The following GALNT11 variants were observed in gnomAD, a reference collection of about 807,000 sequenced individuals.
GALNT11 encodes polypeptide N-acetylgalactosaminyltransferase 11, also known as UDP-GalNAc:polypeptide N-acetylgalactosaminyltransferase 11.
Under a neutral mutation model 72.7 loss-of-function variants are expected in GALNT11, and 47 were observed. That is an observed-to-expected ratio of 0.65 (90% CI 0.51 to 0.82). GALNT11 has a LOEUF of 0.82. Among genes scored for constraint, GALNT11 ranks in the 40% least tolerant of loss-of-function variants. The pLI, the probability that GALNT11 is intolerant of heterozygous loss-of-function variation, is 0.00. For synonymous variants in GALNT11, 270 were observed against 286.6 expected (o/e 0.94, Z 0.58); for missense variants, 677 against 778.4 (o/e 0.87, Z 1.55).
chr7:152,117,388 T>C lies in GALNT11; in HGVS notation c.1452+13T>C. 1.2e-6 allele frequency: 2 copies of C among 1,613,314 alleles called. No homozygotes were observed. The highest frequency in any genetic ancestry group is 1.1e-5 in the South Asian group (1 of 90,954). Reference sequence around the variant, plus strand: ...TCAACGTGGAAGGGTAAGAAAGCTGTTTTTTCCAAGTGGCTTATGAAAAGC... The same window carrying C: ...TCAACGTGGAAGGGTAAGAAAGCTGCTTTTTCCAAGTGGCTTATGAAAAGC... On this transcript the variant is annotated intron_variant, in intron 9 of 11. Coordinates refer to ENST00000430044, the MANE Select transcript of GALNT11 (RefSeq NM_022087.4).
At chr7:152,044,465 T>A (rs73161878) in intron 1 of GALNT11, among the ~76,000 whole-genome samples, 1 of 152,224 alleles carries the variant, frequency 6.6e-6, no homozygotes, top group Non-Finnish European at 1.5e-5. Context: ...GTCACAGTGC[T>A]GCAGAGATTT....
At chr7:152,070,355 G>C (rs535396549) in intron 1 of GALNT11, among the ~76,000 whole-genome samples, 2 of 152,108 alleles carry the variant, frequency 1.3e-5, no homozygotes, top group East Asian at 3.9e-4. Context: ...CTCTTATCTT[G>C]TATGAGCTTC....
chr7:152,068,192 T>C (rs756104695), intron 1 of GALNT11, among the ~76,000 whole-genome samples: 5 of 152,168 alleles, frequency 3.3e-5, no homozygotes, highest in Non-Finnish European at 2.9e-5. Context: ...CCCCACCCTA[T>C]GAGCCCCTGA....
chr7:152,045,794 A>T (rs1368147926), intron 1 of GALNT11, among the ~76,000 whole-genome samples: 4 of 151,456 alleles, frequency 2.6e-5, no homozygotes, highest in Non-Finnish European at 5.9e-5. Context: ...TTCTGCTGTG[A>T]TCTTTTTTAT....
At chr7:152,065,410 A>C (rs1363827560) in intron 1 of GALNT11, among the ~76,000 whole-genome samples, 3 of 152,092 alleles carry the variant, frequency 2.0e-5, no homozygotes, top group Admixed American at 2.0e-4. Flanking sequence ...TTTAGCTCGG[A>C]GTAGTTTGAT....
chr7:152,064,569 C>G lies in GALNT11; in HGVS notation c.-38-29621C>G, dbSNP rs1348847648. On this transcript the variant is annotated intron_variant, in intron 1 of 11. Transcript: ENST00000430044. ...AGCATTGATGGTCTTTACAATTTGG[C>G]ATGTTTTTGCAGTGTCTGGTACCGG... is the stretch of plus-strand genomic sequence containing the variant. Among the ~76,000 whole-genome samples the G allele has an allele frequency of 2.0e-5, 3 of 152,154 alleles. No individual in the cohort carries two copies. In the East Asian group the frequency reaches 5.8e-4, roughly 29 times the overall value.
intron 1 of GALNT11, among the ~76,000 whole-genome samples, chr7:152,072,009 CAAA>C (rs11366450): frequency 2.2e-4 from 15 of 67,024 alleles, no homozygotes; most frequent in Admixed American, 5.1e-4. Context: ...AACTCTGTCT[CAAA>C]AAAAAAAAAA....
chr7:152,029,180 G>A (rs896038332), intron 1 of GALNT11, among the ~76,000 whole-genome samples: 5 of 152,320 alleles, frequency 3.3e-5, no homozygotes, highest in African/African-American at 1.2e-4. Flanking sequence ...CAGCAGTGAG[G>A]AGGTCTAGGC....
chr7:152,030,821 GTTTC>G, intron 1 of GALNT11, among the ~76,000 whole-genome samples: 1 of 151,834 alleles, frequency 6.6e-6, no homozygotes, highest in Middle Eastern at 3.4e-3. Flanking sequence ...CTGATTTTCT[GTTTC>G]TTTCTCTCTT....
intron 9 of GALNT11, 194 bp downstream of exon 9, chr7:152,117,569 C>T (rs1356829731): frequency 3.4e-6 from 2 of 582,838 alleles, no homozygotes; most frequent in African/African-American, 2.3e-5. Context: ...AGATCCTTGC[C>T]TTGCCGGCAT....
Position 152,118,774 on chromosome 7 carries a change from C to T in GALNT11, c.1549C>T (p.Pro517Ser). 1 of 1,604,412 alleles carries T rather than the reference C, an allele frequency of 6.2e-7. No individual in the cohort carries two copies. Among genetic ancestry groups the T allele is most frequent in the Non-Finnish European group, 8.5e-7 (1 of 1,177,364 alleles). Reference sequence around the variant, plus strand: ...GCTTAAGGCCTGTGACTACAGTGACCCAAATCAGGTGAGTGACACCTCGGG... The same window carrying T: ...GCTTAAGGCCTGTGACTACAGTGACTCAAATCAGGTGAGTGACACCTCGGG... ...VVLKACDYSDPNQIWIYNEEH... is the reference protein window; with the variant it reads ...VVLKACDYSDSNQIWIYNEEH... Residue 517 changes from proline to serine, a missense_variant, in exon 10 of 12, where the codon CCA (proline) becomes TCA (serine). Physicochemically the swap from Pro to Ser is moderately conservative, Grantham distance 74. Coordinates refer to ENST00000430044, the MANE Select transcript of GALNT11 (RefSeq NM_022087.4).
chr7:152,110,264 C>T (rs1417393108), intron 6 of GALNT11, among the ~76,000 whole-genome samples: 1 of 152,084 alleles, frequency 6.6e-6, no homozygotes, highest in Non-Finnish European at 1.5e-5. Flanking sequence ...AGGTGGCTTT[C>T]CATCAGAAAT....
At chr7:152,103,839 A>G (rs1166054188) in intron 4 of GALNT11, 1 of 154,332 alleles carries the variant, frequency 6.5e-6, no homozygotes, top group Non-Finnish European at 1.4e-5. Flanking sequence ...TATTTCAAGA[A>G]TGTCATATAA....
chr7:152,120,816 A>G lies in GALNT11; in HGVS notation c.1558-15A>G. 1 of 1,582,190 alleles carries G rather than the reference A, an allele frequency of 6.3e-7. No homozygotes were observed. The highest frequency in any genetic ancestry group is 8.6e-7 in the Non-Finnish European group (1 of 1,156,186). ...AAATTCGTTATCTAAATTTTATTTT[A>G]TTTTTCTTCTCTAGATCTGGATCTA... On this transcript the variant is annotated splice_polypyrimidine_tract_variant and intron_variant, in intron 10 of 11. Transcript: ENST00000430044.
intron 1 of GALNT11, among the ~76,000 whole-genome samples, chr7:152,040,515 G>C (rs2082805955): frequency 2.0e-5 from 3 of 152,186 alleles, no homozygotes; most frequent in Admixed American, 1.3e-4. Context: ...TATTACTTTA[G>C]CAACAAGGCG....
intron 1 of GALNT11, among the ~76,000 whole-genome samples, chr7:152,055,520 C>CGTGTGTGTGTGT (rs3031460): frequency 2.9e-5 from 4 of 136,444 alleles, no homozygotes; most frequent in Non-Finnish European, 4.7e-5. Context: ...ATATATAAAG[C>CGTGTGTGTGTGT]GTGTGTGTGT....
chr7:152,099,613 C>T (rs936249433), intron 2 of GALNT11, among the ~76,000 whole-genome samples: 5 of 138,046 alleles, frequency 3.6e-5, no homozygotes, highest in African/African-American at 1.3e-4. Flanking sequence ...ATCTTGAACT[C>T]CTGACCTCAA....
At chr7:152,028,453 G>A (rs1385655634) in intron 1 of GALNT11, among the ~76,000 whole-genome samples, 1 of 151,990 alleles carries the variant, frequency 6.6e-6, no homozygotes, top group African/African-American at 2.4e-5. Flanking sequence ...CTGCTACCCA[G>A]TTAGCTAGTC....
intron 1 of GALNT11, among the ~76,000 whole-genome samples, chr7:152,070,824 C>T (rs1034481213): frequency 1.3e-5 from 2 of 152,100 alleles, no homozygotes; most frequent in Non-Finnish European, 1.5e-5. Context: ...TTTCCTTAAG[C>T]GTAGGCCAGC....
Sources: allele counts gnomAD v4.1 joint callset (sites outside exome capture counted in the v4.1 genomes callset), GRCh38; gene constraint gnomAD v4.1.1; transcripts MANE v1.5; gene names NCBI Gene and HGNC (gene_info 2026-07-23, HGNC 2026-07-21).